Variants in PALM2AKAP2 observed in about 807,000 individuals in gnomAD.
The protein encoded by PALM2AKAP2 is PALM2-AKAP2 fusion protein.
Under a neutral mutation model 71.5 loss-of-function variants are expected in PALM2AKAP2, and 37 were observed. The ratio of observed to expected loss-of-function variants is 0.52; its 90% CI spans 0.40 to 0.68. The LOEUF is 0.68. Ranked by LOEUF, PALM2AKAP2 falls within the 30% of genes least tolerant of loss-of-function variation. PALM2AKAP2 has a pLI of 0.00. For synonymous variants in PALM2AKAP2, 468 were observed against 478.8 expected, an observed-to-expected ratio of 0.98 and a Z score of 0.29; for missense variants, 1,224 against 1,191.8, an observed-to-expected ratio of 1.03 and a Z score of -0.40.
At chr9:109,782,461 G>C (rs923134541) in intron 1 of PALM2AKAP2, among the ~76,000 whole-genome samples, 1 of 152,092 alleles carries the variant, frequency 6.6e-6, no homozygotes, top group Non-Finnish European at 1.5e-5. Context: ...AGTCTGTACT[G>C]AACATGTACA....
intron 1 of PALM2AKAP2, among the ~76,000 whole-genome samples, chr9:109,841,436 A>C (rs1828671310): frequency 7.0e-6 from 1 of 143,536 alleles, no homozygotes; most frequent in Non-Finnish European, 1.5e-5. Flanking sequence ...TAATGGGTGC[A>C]GCACACCAAC....
chr9:109,978,508 G>C (rs1365363515), intron 6 of PALM2AKAP2, among the ~76,000 whole-genome samples: 2 of 152,134 alleles, frequency 1.3e-5, no homozygotes, highest in East Asian at 1.9e-4. Flanking sequence ...TGCATTTAAA[G>C]CTCCCTGAAA....
intron 1 of PALM2AKAP2, among the ~76,000 whole-genome samples, chr9:109,800,267 G>A (rs1827385813): frequency 1.3e-5 from 2 of 152,226 alleles, no homozygotes; most frequent in South Asian, 4.1e-4. Flanking sequence ...AATATTGTAA[G>A]AGCTTCTGTG....
intron 1 of PALM2AKAP2, among the ~76,000 whole-genome samples, chr9:109,772,540 C>T (rs192170374): frequency 1.6e-4 from 25 of 152,330 alleles, no homozygotes; most frequent in African/African-American, 5.8e-4. Flanking sequence ...CTCTGTTTCT[C>T]CCATCTCATC....
chr9:109,791,289 GC>G (rs1827106278), intron 1 of PALM2AKAP2, among the ~76,000 whole-genome samples: 1 of 152,230 alleles, frequency 6.6e-6, no homozygotes, highest in African/African-American at 2.4e-5. Flanking sequence ...ACAAGAGGAG[GC>G]AAAGTTGAAA....
At chr9:109,864,585 G>A (rs748262091) in intron 1 of PALM2AKAP2, among the ~76,000 whole-genome samples, 8 of 152,160 alleles carry the variant, frequency 5.3e-5, no homozygotes, top group East Asian at 1.9e-4. Flanking sequence ...ACTAGGACCC[G>A]TGGGCCAAAT....
intron 1 of PALM2AKAP2, among the ~76,000 whole-genome samples, chr9:109,676,085 G>T (rs1203410727): frequency 6.6e-6 from 1 of 152,104 alleles, no homozygotes; most frequent in Non-Finnish European, 1.5e-5. Context: ...AATGGAGTTG[G>T]GTAGAGAAAA....
intron 1 of PALM2AKAP2, among the ~76,000 whole-genome samples, chr9:109,758,241 G>C (rs1339661962): frequency 6.6e-6 from 1 of 152,056 alleles, no homozygotes; most frequent in Non-Finnish European, 1.5e-5. Context: ...ACTATTGTAT[G>C]ATATACAACA....
chr9:109,890,611 C>A (rs1830066498), intron 3 of PALM2AKAP2, among the ~76,000 whole-genome samples: 1 of 152,118 alleles, frequency 6.6e-6, no homozygotes, highest in African/African-American at 2.4e-5. Context: ...AAATTCAGAC[C>A]AGGTGAGAGG....
intron 1 of PALM2AKAP2, among the ~76,000 whole-genome samples, chr9:109,703,877 A>AT (rs1828103090): frequency 6.6e-6 from 1 of 152,130 alleles, no homozygotes; most frequent in Non-Finnish European, 1.5e-5. Flanking sequence ...GAAAATTTGT[A>AT]TTATTTTATT....
chr9:110,142,073 T>A (rs1327820537), intron 2 of PALM2AKAP2, among the ~76,000 whole-genome samples: 1 of 146,280 alleles, frequency 6.8e-6, no homozygotes, highest in African/African-American at 2.5e-5. Context: ...TTTTACTTTT[T>A]TTTTTTTTTT....
At chr9:109,715,523 G>A (rs916081936) in intron 1 of PALM2AKAP2, among the ~76,000 whole-genome samples, 1 of 152,064 alleles carries the variant, frequency 6.6e-6, no homozygotes, top group African/African-American at 2.4e-5. Flanking sequence ...CTACATGTGA[G>A]CATTCCATTC....
At chr9:109,803,531 T>C (rs908579237) in intron 1 of PALM2AKAP2, among the ~76,000 whole-genome samples, 2 of 152,100 alleles carry the variant, frequency 1.3e-5, no homozygotes, top group Admixed American at 1.3e-4. Flanking sequence ...GCATTTATAT[T>C]CCCCCCTGAG....
At chr9:109,646,345 CA>C (rs1827153569) in intron 1 of PALM2AKAP2, among the ~76,000 whole-genome samples, 1 of 152,174 alleles carries the variant, frequency 6.6e-6, no homozygotes, top group Non-Finnish European at 1.5e-5. Context: ...GAATGGTCTT[CA>C]AAACAGTATG....
At chr9:109,878,634 C>T (rs988274832) in intron 2 of PALM2AKAP2, among the ~76,000 whole-genome samples, 1 of 151,948 alleles carries the variant, frequency 6.6e-6, no homozygotes, top group Non-Finnish European at 1.5e-5. Flanking sequence ...TGAACTTGCT[C>T]CTGGGCATGG....
intron 1 of PALM2AKAP2, among the ~76,000 whole-genome samples, chr9:109,796,388 A>G (rs1008579096): frequency 1.7e-4 from 26 of 152,324 alleles, no homozygotes; most frequent in African/African-American, 5.8e-4. Context: ...TTTTTTATTA[A>G]GTAAAATCTA....
chr9:109,689,627 G>T (rs937456548), intron 1 of PALM2AKAP2, among the ~76,000 whole-genome samples: 3 of 152,178 alleles, frequency 2.0e-5, no homozygotes, highest in African/African-American at 7.2e-5. Context: ...TGAGAAATAG[G>T]ACAAAAGAAT....
chr9:109,823,138 A>G (rs1828054863), intron 1 of PALM2AKAP2, among the ~76,000 whole-genome samples: 1 of 152,162 alleles, frequency 6.6e-6, no homozygotes, highest in African/African-American at 2.4e-5. Flanking sequence ...TCCTGGATGC[A>G]GATTAACTTC....
At chr9:110,023,844 T>C (rs1232285476) in intron 7 of PALM2AKAP2, among the ~76,000 whole-genome samples, 2 of 151,866 alleles carry the variant, frequency 1.3e-5, no homozygotes, top group African/African-American at 4.8e-5. Context: ...ACAAAAAAAT[T>C]AGCTGAGTGT....
Sources: gnomAD v4.1 joint callset for allele counts (sites outside exome capture counted in the v4.1 genomes callset) on GRCh38, gnomAD v4.1.1 for gene constraint, MANE v1.5 for transcripts, NCBI Gene and HGNC (gene_info 2026-07-23, HGNC 2026-07-21) for gene names.